Variants in ADAM23 observed in about 807,000 individuals in gnomAD.
ADAM23 encodes the protein ADAM metallopeptidase domain 23.
Under a neutral mutation model 120.1 loss-of-function variants are expected in ADAM23, and 33 were observed. The observed-to-expected ratio is 0.27, with a 90% CI of 0.21 to 0.37. The LOEUF is 0.37. Among genes scored for constraint, ADAM23 ranks in the 10% least tolerant of loss-of-function variants. ADAM23 has a pLI of 1.00. For missense variants in ADAM23, 862 were observed against 1,058.2 expected (o/e 0.81, Z 2.57); for synonymous variants, 367 against 375.2 (o/e 0.98, Z 0.25).
chr2:206,575,785 G>A (rs1260798716), intron 18 of ADAM23, among the ~76,000 whole-genome samples: 1 of 152,134 alleles, frequency 6.6e-6, no homozygotes, highest in African/African-American at 2.4e-5. Flanking sequence ...GTTTATGTGG[G>A]TAGGCTTGCT....
chr2:206,446,030 A>T (rs1695076144), intron 2 of ADAM23, among the ~76,000 whole-genome samples: 1 of 152,138 alleles, frequency 6.6e-6, no homozygotes, highest in Admixed American at 6.6e-5. Context: ...GGAAAAAAAA[A>T]TTTTCTGTTG....
At chr2:206,494,802 G>C (rs934833311) in intron 3 of ADAM23, among the ~76,000 whole-genome samples, 1 of 152,140 alleles carries the variant, frequency 6.6e-6, no homozygotes, top group African/African-American at 2.4e-5. Flanking sequence ...TTTAGCTGAG[G>C]TTAAAAATGT....
intron 25 of ADAM23, among the ~76,000 whole-genome samples, chr2:206,613,057 ATTTC>A (rs1474563864): frequency 6.6e-6 from 1 of 151,840 alleles, no homozygotes; most frequent in Non-Finnish European, 1.5e-5. Context: ...ACTTTGCTTA[ATTTC>A]TTTTTCTTTT....
chr2:206,463,269 C>T (rs776603333), intron 2 of ADAM23, among the ~76,000 whole-genome samples: 3 of 152,168 alleles, frequency 2.0e-5, no homozygotes, highest in Non-Finnish European at 2.9e-5. Flanking sequence ...ATCACAAGGG[C>T]CCTGATACAG....
chr2:206,545,207 G>A (rs1251413244), intron 6 of ADAM23, among the ~76,000 whole-genome samples: 1 of 152,152 alleles, frequency 6.6e-6, no homozygotes, highest in African/African-American at 2.4e-5. Flanking sequence ...ATAAAATTGG[G>A]CTGGGCGTGG....
At chr2:206,444,326 A>G (rs779645222) in intron 1 of ADAM23, among the ~76,000 whole-genome samples, 1 of 152,208 alleles carries the variant, frequency 6.6e-6, no homozygotes, top group Non-Finnish European at 1.5e-5. Flanking sequence ...GGAGGTGTTT[A>G]GTGGATCCTG....
chr2:206,615,890 T>G (rs1166846926), intron 25 of ADAM23, among the ~76,000 whole-genome samples: 3 of 152,240 alleles, frequency 2.0e-5, no homozygotes, highest in Non-Finnish European at 2.9e-5. Context: ...GTTACGACCT[T>G]GGACATGGCT....
At chr2:206,556,607 A>G (rs1697648009) in intron 9 of ADAM23, among the ~76,000 whole-genome samples, 1 of 152,224 alleles carries the variant, frequency 6.6e-6, no homozygotes. Flanking sequence ...GACATTAAGC[A>G]AAGCGTACTA....
intron 3 of ADAM23, among the ~76,000 whole-genome samples, chr2:206,496,067 C>G (rs1197860286): frequency 1.3e-5 from 2 of 152,048 alleles, no homozygotes; most frequent in African/African-American, 2.4e-5. Flanking sequence ...CTTAAACACC[C>G]CACTGTCAAT....
intron 2 of ADAM23, among the ~76,000 whole-genome samples, chr2:206,474,335 C>A (rs1695729028): frequency 6.6e-6 from 1 of 152,044 alleles, no homozygotes; most frequent in Non-Finnish European, 1.5e-5. Flanking sequence ...AAGGTCAAAG[C>A]ATAATACATA....
intron 24 of ADAM23, among the ~76,000 whole-genome samples, chr2:206,596,653 ATGTGAGAGATCTGGACCTT>A (rs1698531910): frequency 6.6e-6 from 1 of 152,212 alleles, no homozygotes; most frequent in Admixed American, 6.5e-5. Context: ...TTCAAAGAAA[ATGTGAGAGATCTGGACCTT>A]TGTTTTAATC....
intron 19 of ADAM23, among the ~76,000 whole-genome samples, chr2:206,587,711 CT>C (rs1698351543): frequency 1.3e-5 from 2 of 151,978 alleles, no homozygotes; most frequent in African/African-American, 2.4e-5. Flanking sequence ...TTTTTTTCCC[CT>C]GAAGCCATAT....
At chr2:206,486,640 C>T (rs1440682671) in intron 3 of ADAM23, among the ~76,000 whole-genome samples, 3 of 152,054 alleles carry the variant, frequency 2.0e-5, no homozygotes, top group East Asian at 1.9e-4. Flanking sequence ...CTTGGGCAAG[C>T]TTCTTAACTT....
intron 4 of ADAM23, among the ~76,000 whole-genome samples, chr2:206,532,767 A>G (rs959114596): frequency 6.6e-6 from 1 of 152,094 alleles, no homozygotes; most frequent in Non-Finnish European, 1.5e-5. Context: ...TTTCTAATTC[A>G]TTTGTTATAA....
At chr2:206,531,377 C>G (rs1697059152) in intron 4 of ADAM23, among the ~76,000 whole-genome samples, 1 of 152,156 alleles carries the variant, frequency 6.6e-6, no homozygotes, top group Non-Finnish European at 1.5e-5. Context: ...TACTTTTTCT[C>G]TAACCTTCAT....
intron 4 of ADAM23, among the ~76,000 whole-genome samples, chr2:206,532,133 G>A (rs564788130): frequency 5.1e-4 from 78 of 152,240 alleles, no homozygotes; most frequent in East Asian, 4.8e-3. Context: ...TAAATCAAGC[G>A]CGGGAACAAG....
chr2:206,524,466 G>A (rs933113954), intron 3 of ADAM23, among the ~76,000 whole-genome samples: 1 of 152,152 alleles, frequency 6.6e-6, no homozygotes, highest in Non-Finnish European at 1.5e-5. Context: ...CCTACTCAAG[G>A]CTTTCCTAAA....
chr2:206,454,385 G>A (rs1399693510), intron 2 of ADAM23, among the ~76,000 whole-genome samples: 3 of 152,110 alleles, frequency 2.0e-5, no homozygotes, highest in Admixed American at 6.5e-5. Context: ...CCATGATCCA[G>A]TCACCTCCCA....
chr2:206,498,330 C>T (rs1017547759), intron 3 of ADAM23, among the ~76,000 whole-genome samples: 4 of 152,064 alleles, frequency 2.6e-5, no homozygotes, highest in Admixed American at 6.5e-5. Flanking sequence ...AGAACAGAGC[C>T]CTCAGAAATA....
Sources: allele counts gnomAD v4.1 joint callset (sites outside exome capture counted in the v4.1 genomes callset), GRCh38; gene constraint gnomAD v4.1.1; transcripts MANE v1.5; gene names NCBI Gene and HGNC (gene_info 2026-07-23, HGNC 2026-07-21).